Variants in STXBP5L observed in about 807,000 individuals in gnomAD.
The protein encoded by STXBP5L is syntaxin binding protein 5L, also known as syntaxin-binding protein 5-like.
Under a neutral mutation model 144.5 loss-of-function variants are expected in STXBP5L, and 65 were observed. That is an observed-to-expected ratio of 0.45 (90% CI 0.37 to 0.55). The LOEUF is 0.55. Ranked by LOEUF, STXBP5L falls within the 20% of genes least tolerant of loss-of-function variation. The probability of loss-of-function intolerance (pLI) is 0.00; values close to 1 mark genes in which losing one functional copy is unlikely to be tolerated. For synonymous variants in STXBP5L, 505 were observed against 469.6 expected, an observed-to-expected ratio of 1.08 and a Z score of -0.97; for missense variants, 1,298 against 1,405.5, an observed-to-expected ratio of 0.92 and a Z score of 1.22.
At chr3:121,312,069 C>T (rs1490591922) in intron 19 of STXBP5L, among the ~76,000 whole-genome samples, 1 of 152,052 alleles carries the variant, frequency 6.6e-6, no homozygotes, top group Non-Finnish European at 1.5e-5. Context: ...CTTTGACAAA[C>T]CTGAGAAAAA....
chr3:121,045,509 C>T lies in STXBP5L; in HGVS notation c.444C>T (p.Leu148=). Reference sequence around the variant, plus strand: ...TTAGACAAAAAAGGCCAGCCATACTCCATTCTCTTAAATTTAACCGGGAAC... The same window carrying T: ...TTAGACAAAAAAGGCCAGCCATACTTCATTCTCTTAAATTTAACCGGGAAC... ...WNLRQKRPAI[L]HSLKFNRERI... Residue 148 remains leucine (L), a synonymous_variant, in exon 5 of 27, where the codon CTC becomes CTT. Coordinates refer to ENST00000471454, the MANE Select transcript of STXBP5L (RefSeq NM_001308330.2). The T allele has an allele frequency of 3.1e-6, 5 of 1,612,856 alleles. No individual in the cohort carries two copies. The highest frequency in any genetic ancestry group is 1.1e-5 in the South Asian group (1 of 90,856).
At chr3:121,318,619 T>C in intron 20 of STXBP5L, 79 bp downstream of exon 20, 2 of 1,053,496 alleles carry the variant, frequency 1.9e-6, no homozygotes, top group South Asian at 2.3e-5. Flanking sequence ...ATCTTTATAA[T>C]GTGAAATTTA....
chr3:121,230,004 T>C (rs2049252327), intron 11 of STXBP5L, among the ~76,000 whole-genome samples: 1 of 152,224 alleles, frequency 6.6e-6, no homozygotes, highest in Admixed American at 6.6e-5. Flanking sequence ...TTTCAGTTTT[T>C]ATCGTATTTG....
intron 3 of STXBP5L, among the ~76,000 whole-genome samples, chr3:120,972,287 C>T (rs1000287079): frequency 1.3e-5 from 2 of 152,038 alleles, no homozygotes; most frequent in Admixed American, 6.6e-5. Flanking sequence ...AGATCTTTCA[C>T]CTCCTTGGTT....
At chr3:121,072,910 G>A (rs780072777) in intron 5 of STXBP5L, among the ~76,000 whole-genome samples, 8 of 152,160 alleles carry the variant, frequency 5.3e-5, no homozygotes, top group Non-Finnish European at 7.3e-5. Flanking sequence ...AGTGGCAAAA[G>A]CATGCCTTGA....
intron 3 of STXBP5L, among the ~76,000 whole-genome samples, chr3:120,997,407 A>G (rs1943437182): frequency 6.6e-6 from 1 of 152,238 alleles, no homozygotes; most frequent in South Asian, 2.1e-4. Context: ...CATTGCCATC[A>G]GCAGTGAATA....
chr3:120,983,841 C>G (rs550076580), intron 3 of STXBP5L, among the ~76,000 whole-genome samples: 28 of 152,292 alleles, frequency 1.8e-4, no homozygotes, highest in Admixed American at 6.5e-4. Context: ...AGTGTTCTCT[C>G]TTAGACAATC....
chr3:121,282,208 C>CTTTTTTTTT, intron 19 of STXBP5L: 2 of 1,549,492 alleles, frequency 1.3e-6, no homozygotes, highest in Non-Finnish European at 8.9e-7. Flanking sequence ...TCACTTTAGA[C>CTTTTTTTTT]TTTTTTTTCT....
Position 121,257,432 on chromosome 3 carries a change from T to C in STXBP5L, c.1832+99T>C, listed in dbSNP as rs1356504262. On this transcript the variant is annotated intron_variant, in intron 17 of 26. Coordinates refer to ENST00000471454, the MANE Select transcript of STXBP5L (RefSeq NM_001308330.2). ...TTAATTTTCTCTTATTATCAAGCTA[T>C]TGTCAGGTGATCTACAATTCTTCAG... 4 of 1,121,514 alleles carry C rather than the reference T, an allele frequency of 3.6e-6. No individual in the cohort carries two copies. In the East Asian group the frequency reaches 1.0e-4, roughly 28 times the overall value. 69.5% of individuals were successfully genotyped at this position (1,121,514 alleles called of 1,614,324 possible). A position where few individuals can be genotyped will look rare whatever the true frequency, so the allele number is the denominator to read the frequency against.
intron 15 of STXBP5L, among the ~76,000 whole-genome samples, chr3:121,253,782 C>T (rs1316017333): frequency 6.7e-6 from 1 of 148,610 alleles, no homozygotes; most frequent in Non-Finnish European, 1.5e-5. Context: ...AGGCGCCCGC[C>T]ACCACGCCCC....
At chr3:121,198,131 A>G (rs927434067) in intron 9 of STXBP5L, among the ~76,000 whole-genome samples, 1 of 148,964 alleles carries the variant, frequency 6.7e-6, no homozygotes, top group Non-Finnish European at 1.5e-5. Flanking sequence ...AAGCATTTCT[A>G]TTTATTCACA....
rs184793286 is a variant in STXBP5L at position 121,018,169 on chromosome 3, G to A, written c.288-23531G>A. Among the ~76,000 whole-genome samples the A allele has an allele frequency of 5.6e-4, 86 of 152,246 alleles. No individual in the cohort carries two copies. In the East Asian group the frequency reaches 0.015, roughly 26 times the overall value. ...GTCAAGATTGAGTTCTTTCCAACTT[G>A]ATCTATAGATTCAATTTAGTCCCAG... On this transcript the variant is annotated intron_variant, in intron 3 of 26. Coordinates refer to ENST00000471454, the MANE Select transcript of STXBP5L (RefSeq NM_001308330.2).
chr3:121,007,135 G>C (rs970752261), intron 3 of STXBP5L, among the ~76,000 whole-genome samples: 12 of 151,848 alleles, frequency 7.9e-5, no homozygotes, highest in Non-Finnish European at 1.5e-4. Flanking sequence ...CTTTTTAAAA[G>C]TTATTGAAAT....
At chr3:121,126,835 G>C (rs2044724682) in intron 7 of STXBP5L, among the ~76,000 whole-genome samples, 1 of 152,164 alleles carries the variant, frequency 6.6e-6, no homozygotes, top group East Asian at 1.9e-4. Flanking sequence ...AAGATAATCT[G>C]ATTTCTTGGC....
chr3:121,357,034 C>T, intron 20 of STXBP5L: 2 of 200,942 alleles, frequency 1.0e-5, no homozygotes, highest in Non-Finnish European at 2.1e-5. Flanking sequence ...ACGTGTCATG[C>T]CTGGAACAGG....
At chr3:121,062,280 G>A (rs1373209600) in intron 5 of STXBP5L, among the ~76,000 whole-genome samples, 2 of 152,126 alleles carry the variant, frequency 1.3e-5, no homozygotes, top group African/African-American at 2.4e-5. Flanking sequence ...GAAATTATGG[G>A]TTGAAAATTC....
intron 12 of STXBP5L, among the ~76,000 whole-genome samples, chr3:121,235,549 T>C (rs929546796): frequency 1.3e-5 from 2 of 152,078 alleles, no homozygotes; most frequent in African/African-American, 2.4e-5. Context: ...CGTTACCTCT[T>C]GCTATTATCA....
intron 19 of STXBP5L, among the ~76,000 whole-genome samples, chr3:121,305,290 A>G (rs2108500773): frequency 6.6e-6 from 1 of 152,304 alleles, no homozygotes; most frequent in South Asian, 2.1e-4. Flanking sequence ...ATAAAAGAAG[A>G]AGGAAATCTT....
chr3:121,180,119 AC>A (rs2047085333), intron 9 of STXBP5L, among the ~76,000 whole-genome samples: 1 of 152,196 alleles, frequency 6.6e-6, no homozygotes, highest in African/African-American at 2.4e-5. Flanking sequence ...AAAGATCATC[AC>A]CAAGGCACAT....
Sources: allele counts gnomAD v4.1 joint callset (sites outside exome capture counted in the v4.1 genomes callset), GRCh38; gene constraint gnomAD v4.1.1; transcripts MANE v1.5; gene names NCBI Gene and HGNC (gene_info 2026-07-23, HGNC 2026-07-21).